The following MNAT1 variants were observed in gnomAD, a reference collection of about 807,000 sequenced individuals.
MNAT1 encodes MNAT1 component of CDK activating kinase, also known as CDK-activating kinase assembly factor MAT1.
A neutral mutation model predicts 42.0 loss-of-function variants in MNAT1; 43 were observed. That is an observed-to-expected ratio of 1.02 (90% CI 0.80 to 1.32). The LOEUF (loss-of-function observed/expected upper bound fraction) is 1.32. MNAT1 is among the 40% of genes most tolerant of loss of function. MNAT1 has a pLI of 0.00. For missense variants in MNAT1, 306 were observed against 350.4 expected, an observed-to-expected ratio of 0.87 and a Z score of 1.01; for synonymous variants, 118 against 120.0, an observed-to-expected ratio of 0.98 and a Z score of 0.11.
chr14:60,838,326 C>T (rs1305805600), intron 6 of MNAT1, among the ~76,000 whole-genome samples: 1 of 151,728 alleles, frequency 6.6e-6, no homozygotes, highest in Non-Finnish European at 1.5e-5. Flanking sequence ...TTAGGAGAGA[C>T]AGGATCTCCT....
At chr14:60,938,521 G>A (rs889751032) in intron 7 of MNAT1, among the ~76,000 whole-genome samples, 9 of 152,090 alleles carry the variant, frequency 5.9e-5, no homozygotes, top group Non-Finnish European at 1.2e-4. Context: ...TAATATGCTG[G>A]ATTATGATTA....
chr14:60,941,992 A>G (rs565647915), intron 7 of MNAT1, among the ~76,000 whole-genome samples: 136 of 102,230 alleles, frequency 1.3e-3, no homozygotes, highest in Middle Eastern at 7.6e-3. Context: ...CGACAGAATG[A>G]GGCTCCATCT....
At chr14:60,910,807 C>T (rs563294425) in intron 7 of MNAT1, among the ~76,000 whole-genome samples, 12 of 152,156 alleles carry the variant, frequency 7.9e-5, no homozygotes, top group South Asian at 4.1e-4. Context: ...TGTCTCTGCC[C>T]GGCTTTGGTA....
intron 1 of MNAT1, among the ~76,000 whole-genome samples, chr14:60,790,041 G>T (rs1256151226): frequency 6.6e-6 from 1 of 152,058 alleles, no homozygotes; most frequent in Non-Finnish European, 1.5e-5. Context: ...TTTTGAGTAT[G>T]TTGAGTTTGA....
chr14:60,968,449 T>C lies in MNAT1; in HGVS notation c.*100T>C, dbSNP rs112869712. Reference sequence around the variant, plus strand: ...TATGTGCAGCTGCACAACACAGTCCTTCCACTAGCAGCTGTGTTAAAGTAT... The same window carrying C: ...TATGTGCAGCTGCACAACACAGTCCCTCCACTAGCAGCTGTGTTAAAGTAT... On this transcript the variant is annotated 3_prime_UTR_variant, in exon 8 of 8. Transcript: ENST00000261245. 2 of 1,533,330 alleles carry C rather than the reference T, an allele frequency of 1.3e-6. No homozygotes were observed. The highest frequency in any genetic ancestry group is 1.7e-6 in the Non-Finnish European group (2 of 1,143,298). The allele number at this position is 1,533,330 out of a possible 1,614,324, so 95.0% of individuals were successfully genotyped here.
chr14:60,859,240 A>G (rs1028624936), intron 6 of MNAT1, among the ~76,000 whole-genome samples: 1 of 152,214 alleles, frequency 6.6e-6, no homozygotes, highest in African/African-American at 2.4e-5. Flanking sequence ...GCTTTGGACT[A>G]TCTTGGTAGG....
At chr14:60,878,390 A>G (rs543369594) in intron 6 of MNAT1, among the ~76,000 whole-genome samples, 1 of 152,182 alleles carries the variant, frequency 6.6e-6, no homozygotes, top group East Asian at 1.9e-4. Context: ...TTTTGAGGTT[A>G]GGAAACAAAA....
At chr14:60,764,376 A>G (rs1412396236) in intron 1 of MNAT1, among the ~76,000 whole-genome samples, 2 of 151,970 alleles carry the variant, frequency 1.3e-5, no homozygotes, top group Non-Finnish European at 2.9e-5. Context: ...CTTGTTTATG[A>G]TTTTGTGTCT....
chr14:60,737,083 C>G (rs1489818089), intron 1 of MNAT1, among the ~76,000 whole-genome samples: 1 of 152,122 alleles, frequency 6.6e-6, no homozygotes, highest in Non-Finnish European at 1.5e-5. Context: ...TCTAATTAAT[C>G]ATCCTTTTAA....
intron 6 of MNAT1, among the ~76,000 whole-genome samples, chr14:60,841,267 C>A (rs1242480790): frequency 1.3e-5 from 2 of 151,656 alleles, no homozygotes. Context: ...TTTTTCTAGT[C>A]TATATTTTAT....
chr14:60,968,167 T>A (rs1190121625), intron 7 of MNAT1, 62 bp from the exon 8 acceptor site: 1 of 1,290,408 alleles, frequency 7.7e-7, no homozygotes, highest in Non-Finnish European at 1.1e-6. Context: ...TATTGCTTTT[T>A]AAAATGTTAC....
intron 7 of MNAT1, among the ~76,000 whole-genome samples, chr14:60,950,356 A>C (rs2036357883): frequency 1.3e-5 from 2 of 152,160 alleles, no homozygotes; most frequent in Admixed American, 1.3e-4. Context: ...TTTCAAATAT[A>C]CTCATTAAGA....
chr14:60,943,395 A>G (rs2036214898), intron 7 of MNAT1, among the ~76,000 whole-genome samples: 1 of 152,208 alleles, frequency 6.6e-6, no homozygotes, highest in East Asian at 1.9e-4. Context: ...GGAGATAAGC[A>G]AGGCAAGTAT....
At chr14:60,742,715 T>A (rs1425825652) in intron 1 of MNAT1, among the ~76,000 whole-genome samples, 1 of 152,246 alleles carries the variant, frequency 6.6e-6, no homozygotes, top group Non-Finnish European at 1.5e-5. Flanking sequence ...TAGATTTTCC[T>A]ATTCTGGACC....
intron 7 of MNAT1, among the ~76,000 whole-genome samples, chr14:60,886,973 T>A (rs1411397185): frequency 6.6e-6 from 1 of 152,188 alleles, no homozygotes; most frequent in African/African-American, 2.4e-5. Flanking sequence ...TTTCCTCTGT[T>A]GATTATAATG....
intron 1 of MNAT1, among the ~76,000 whole-genome samples, chr14:60,791,126 T>G (rs1198522687): frequency 2.6e-5 from 4 of 152,166 alleles, no homozygotes. Flanking sequence ...CACAGCTCCG[T>G]TTTTCTGGCT....
chr14:60,757,334 T>C (rs1156710582), intron 1 of MNAT1, among the ~76,000 whole-genome samples: 1 of 152,192 alleles, frequency 6.6e-6, no homozygotes, highest in Non-Finnish European at 1.5e-5. Context: ...CAAGCCACTA[T>C]GAAAATTTTA....
At chr14:60,856,020 C>T (rs755779441) in intron 6 of MNAT1, among the ~76,000 whole-genome samples, 5 of 152,140 alleles carry the variant, frequency 3.3e-5, no homozygotes, top group African/African-American at 9.7e-5. Flanking sequence ...ACAGTGTCCT[C>T]TAAGTGTTCA....
Position 60,909,584 on chromosome 14 carries a change from C to A in MNAT1, c.809+29749C>A, listed in dbSNP as rs890551730. On this transcript the variant is annotated intron_variant, in intron 7 of 7. Coordinates refer to ENST00000261245, the MANE Select transcript of MNAT1 (RefSeq NM_002431.4). The stretch of plus-strand genomic sequence containing the variant: ...AGCACCATTTATTAAATAGGGAATC[C>A]TTTCCCCATTGCTTGTTTTTCTCAG... 2.0e-5 allele frequency among the ~76,000 whole-genome samples: 3 copies of A among 152,158 alleles called. No homozygotes were observed. In the South Asian group the frequency reaches 6.2e-4, roughly 32 times the overall value.
Sources: gnomAD v4.1 joint callset for allele counts (sites outside exome capture counted in the v4.1 genomes callset) on GRCh38, gnomAD v4.1.1 for gene constraint, MANE v1.5 for transcripts, NCBI Gene and HGNC (gene_info 2026-07-23, HGNC 2026-07-21) for gene names.